HLTF: variants seen among roughly 807,000 people sequenced by gnomAD.
HLTF encodes the protein DNA-dependent ATPase/E3 ubiquitin-protein ligase HLTF.
Under a neutral mutation model 129.4 loss-of-function variants are expected in HLTF, and 127 were observed. The observed-to-expected ratio is 0.98, with a 90% confidence interval of 0.85 to 1.14. The LOEUF is 1.14. Among genes scored for constraint, HLTF ranks in the 50% most tolerant of loss-of-function variants. The pLI, the probability that HLTF is intolerant of heterozygous loss-of-function variation, is 0.00. For missense variants in HLTF, 1,139 were observed against 1,187.1 expected (o/e 0.96, Z 0.60); for synonymous variants, 332 against 388.8 (o/e 0.85, Z 1.72).
At chr3:149,034,515 G>GT (rs1314286187) in intron 24 of HLTF, among the ~76,000 whole-genome samples, 1 of 152,062 alleles carries the variant, frequency 6.6e-6, no homozygotes, top group Non-Finnish European at 1.5e-5. Flanking sequence ...TGTGATGGCT[G>GT]TTGCACAACA....
chr3:149,039,212 A>G lies in HLTF; in HGVS notation c.2633T>C (p.Phe878Ser). 6.3e-7 allele frequency: 1 copy of G among 1,580,432 alleles called. No homozygotes were observed. Among genetic ancestry groups the G allele is most frequent in the Non-Finnish European group, 8.6e-7 (1 of 1,164,398 alleles). Residue 878 changes from phenylalanine (F) to serine (S), a missense_variant, in exon 23 of 25, where the codon TTT becomes TCT. Physicochemically the swap from Phe to Ser is radical, Grantham distance 155 (BLOSUM62 -2). Transcript: ENST00000310053. ...EIPLKASGFVFTRLDGSMAQK... is the reference protein window; with the variant it reads ...EIPLKASGFVSTRLDGSMAQK... The stretch of plus-strand genomic sequence containing the variant: ...GGCCATGGAACCATCCAAACGAGTA[A>G]ACACAAATCCAGAGGCTCTAAAGGG...
chr3:149,065,655 C>A (rs1243581324), intron 8 of HLTF, among the ~76,000 whole-genome samples: 1 of 152,036 alleles, frequency 6.6e-6, no homozygotes, highest in East Asian at 1.9e-4. Context: ...CACAGCAAAA[C>A]CCTGTCTCTA....
intron 20 of HLTF, among the ~76,000 whole-genome samples, chr3:149,040,676 T>C (rs751336597): frequency 2.0e-5 from 3 of 152,032 alleles, no homozygotes; most frequent in Non-Finnish European, 4.4e-5. Context: ...TAAATAACTA[T>C]ATATAAAACA....
At chr3:149,049,122 T>A in intron 15 of HLTF, 121 bp from the exon 16 acceptor site, 1 of 580,100 alleles carries the variant, frequency 1.7e-6, no homozygotes, top group Non-Finnish European at 3.0e-6. Flanking sequence ...AGGTACTGCT[T>A]TAAGCACTAC....
At chr3:149,068,520 A>C (rs1029404843) in intron 7 of HLTF, among the ~76,000 whole-genome samples, 185 bp from the exon 8 acceptor site, 13 of 152,210 alleles carry the variant, frequency 8.5e-5, no homozygotes, top group African/African-American at 2.7e-4. Flanking sequence ...CTGCATTATT[A>C]GGGAATTATT....
At position 149,065,871 on chromosome 3, in the gene HLTF, A is replaced by T. The variant is rs370768229; in HGVS notation, c.991-1005T>A. Among the ~76,000 whole-genome samples, 4 of 152,308 alleles carry T rather than the reference A, an allele frequency of 2.6e-5. 1 individual carries two copies. The highest frequency in any genetic ancestry group is 6.5e-5 in the Admixed American group (1 of 15,306). On this transcript the variant is annotated intron_variant, in intron 8 of 24. Coordinates refer to ENST00000310053, the MANE Select transcript of HLTF (RefSeq NM_003071.4). ...AATATTTTTAGAGATACGTAACTAG[A>T]AGAGTTACTTTAGACAGTTAATGTC...
intron 3 of HLTF, among the ~76,000 whole-genome samples, chr3:149,075,674 T>A (rs1719283063): frequency 1.3e-5 from 2 of 152,206 alleles, no homozygotes; most frequent in African/African-American, 4.8e-5. Flanking sequence ...TGGTAATAAT[T>A]CCATAGGAAA....
At chr3:149,069,608 G>T (rs1043485943) in intron 7 of HLTF, among the ~76,000 whole-genome samples, 1 of 152,046 alleles carries the variant, frequency 6.6e-6, no homozygotes, top group Non-Finnish European at 1.5e-5. Context: ...TACTTCTGTT[G>T]CATATCAAAC....
chr3:149,065,017 T>G, intron 8 of HLTF, 151 bp from the exon 9 acceptor site: 1 of 455,486 alleles, frequency 2.2e-6, no homozygotes, highest in Non-Finnish European at 3.9e-6. Flanking sequence ...GGTGAATAAG[T>G]GAAGAGGAAA....
At chr3:149,078,917 G>A (rs570494079) in intron 2 of HLTF, among the ~76,000 whole-genome samples, 6 of 151,256 alleles carry the variant, frequency 4.0e-5, no homozygotes, top group South Asian at 2.1e-4. Flanking sequence ...ACATGAAAAC[G>A]CATGTCTAAA....
chr3:149,068,156 T>A (rs1018062774), intron 8 of HLTF, 84 bp downstream of exon 8: 1 of 606,264 alleles, frequency 1.6e-6, no homozygotes, highest in South Asian at 2.5e-5. Context: ...ACACAATTTC[T>A]TGGTAGTTTT....
chr3:149,075,202 G>A (rs1719240484), intron 3 of HLTF, among the ~76,000 whole-genome samples: 1 of 152,164 alleles, frequency 6.6e-6, no homozygotes, highest in Admixed American at 6.5e-5. Flanking sequence ...AGGGCAAAAT[G>A]AAATTCACCT....
At chr3:149,045,652 C>T (rs1270280785) in intron 18 of HLTF, among the ~76,000 whole-genome samples, 1 of 152,188 alleles carries the variant, frequency 6.6e-6, no homozygotes, top group Non-Finnish European at 1.5e-5. Flanking sequence ...TCCTATTCTG[C>T]TTTCACTTGT....
chr3:149,065,120 C>G (rs1013826574), intron 8 of HLTF, among the ~76,000 whole-genome samples: 2 of 151,134 alleles, frequency 1.3e-5, no homozygotes, highest in African/African-American at 4.9e-5. Flanking sequence ...GAAAGGAATA[C>G]CGAAAGCAAA....
intron 7 of HLTF, among the ~76,000 whole-genome samples, chr3:149,070,250 G>A (rs776869626): frequency 2.0e-4 from 30 of 152,126 alleles, no homozygotes; most frequent in African/African-American, 5.3e-4. Flanking sequence ...GCAACATACC[G>A]TCGTAAGGAC....
chr3:149,060,634 T>C lies in HLTF; in HGVS notation c.1285+9A>G, dbSNP rs758681664. ...AAGTCTAGATTATGGGTATATAGTA[T>C]ACACATACCTTTCGCCCTGCCTTTA... On this transcript the variant is annotated intron_variant, in intron 12 of 24. Transcript: ENST00000310053. 7.5e-6 allele frequency: 12 copies of C among 1,597,638 alleles called. No individual in the cohort carries two copies. The South Asian group carries it at 1.3e-4, about 18-fold the overall frequency.
At chr3:149,074,380 T>C in intron 3 of HLTF, 32 bp from the exon 4 acceptor site, 2 of 1,574,056 alleles carry the variant, frequency 1.3e-6, no homozygotes, top group Non-Finnish European at 1.7e-6. Context: ...GAAAGGGAAA[T>C]CAGAAGCATT....
At chr3:149,048,373 C>T (rs1362492204) in intron 16 of HLTF, among the ~76,000 whole-genome samples, 5 of 152,184 alleles carry the variant, frequency 3.3e-5, no homozygotes, top group African/African-American at 1.2e-4. Context: ...ATTTTTAGCT[C>T]TCACATGACA....
chr3:149,068,696 A>T lies in HLTF; in HGVS notation c.895-361T>A, dbSNP rs930153653. On this transcript the variant is annotated intron_variant, in intron 7 of 24. Coordinates refer to ENST00000310053, the MANE Select transcript of HLTF (RefSeq NM_003071.4). Reference sequence around the variant, plus strand: ...AAGTTCGGAGCTAAAGTGATTAGTAATTCCAGTATGCATATAATCATTTTA... The same window carrying T: ...AAGTTCGGAGCTAAAGTGATTAGTATTTCCAGTATGCATATAATCATTTTA... 2.0e-5 allele frequency among the ~76,000 whole-genome samples: 3 copies of T among 152,230 alleles called. No homozygotes were observed. In the South Asian group the frequency reaches 6.2e-4, roughly 31 times the overall value.
Sources: gnomAD v4.1 joint callset for allele counts (sites outside exome capture counted in the v4.1 genomes callset) on GRCh38, gnomAD v4.1.1 for gene constraint, MANE v1.5 for transcripts, NCBI Gene and HGNC (gene_info 2026-07-23, HGNC 2026-07-21) for gene names.